Variants in ANTXR2 observed in about 807,000 individuals in gnomAD.
ANTXR2 encodes the protein ANTXR cell adhesion molecule 2, also known as anthrax toxin receptor 2.
Under a neutral mutation model 73.7 loss-of-function variants are expected in ANTXR2, and 44 were observed. The observed-to-expected ratio is 0.60, with a 90% CI of 0.47 to 0.77. ANTXR2 has a LOEUF of 0.77. Ranked by LOEUF, ANTXR2 falls within the 30% of genes least tolerant of loss-of-function variation. The pLI is 0.00. For missense variants in ANTXR2, 604 were observed against 592.5 expected (o/e 1.02, Z -0.20); for synonymous variants, 217 against 205.9 (o/e 1.05, Z -0.46).
Position 79,973,423 on chromosome 4 carries a change from AT to A in ANTXR2, c.1428+4197del, listed in dbSNP as rs11412371. On this transcript the variant is annotated intron_variant, in intron 16 of 16. Transcript: ENST00000403729. ...TGATGTGGAGTTGACATAAATTTGG[AT>A]TTTTTTTTTTTCCCTCTGTTGTCCA... Among the ~76,000 whole-genome samples, 270 of 147,232 alleles carry A rather than the reference AT, an allele frequency of 1.8e-3. 1 individual carries two copies. Among genetic ancestry groups the A allele is most frequent in the African/African-American group, 5.4e-3 (215 of 39,902 alleles).
rs534338004 is a variant in ANTXR2 at position 79,975,193 on chromosome 4, G to C, written c.1428+2428C>G. Among the ~76,000 whole-genome samples, 5 of 152,188 alleles carry C rather than the reference G, an allele frequency of 3.3e-5. No individual in the cohort carries two copies. The South Asian group carries it at 1.0e-3, about 32-fold the overall frequency. ...TACATATCTCCTACCTATATTCAAA[G>C]ACAGGGCACCTATATTTTTGAAGAA... On this transcript the variant is annotated intron_variant, in intron 16 of 16. Coordinates refer to ENST00000403729, the MANE Select transcript of ANTXR2 (RefSeq NM_058172.6).
chr4:79,914,587 C>A (rs1727275189), intron 16 of ANTXR2, among the ~76,000 whole-genome samples: 1 of 152,062 alleles, frequency 6.6e-6, no homozygotes, highest in Non-Finnish European at 1.5e-5. Flanking sequence ...CATATGCTTT[C>A]TGTGTTGCTT....
In ANTXR2 at chr4:79,907,367, T is replaced by G; in HGVS notation, c.*62A>C. ...AATGCACTTGATTTTTTTCATTTGG[T>G]TGAAAATCAGCTATGTGAAAATGTG... On this transcript the variant is annotated 3_prime_UTR_variant, in exon 17 of 17. Coordinates refer to ENST00000403729, the MANE Select transcript of ANTXR2 (RefSeq NM_058172.6). 1 of 1,542,148 alleles carries G rather than the reference T, an allele frequency of 6.5e-7. No homozygotes were observed. Among genetic ancestry groups the G allele is most frequent in the South Asian group, 1.1e-5 (1 of 87,082 alleles).
intron 13 of ANTXR2, 42 bp downstream of exon 13, chr4:79,984,777 A>C: frequency 6.8e-7 from 1 of 1,461,924 alleles, no homozygotes; most frequent in Non-Finnish European, 9.4e-7. Context: ...CTGCATTTGG[A>C]AAAAAAAAAC....
At chr4:80,052,341 G>A (rs1733809079) in intron 7 of ANTXR2, among the ~76,000 whole-genome samples, 1 of 151,524 alleles carries the variant, frequency 6.6e-6, no homozygotes, top group African/African-American at 2.4e-5. Context: ...AAAATTATAG[G>A]TTTTGTATAC....
chr4:79,948,766 A>AGGGGAGGAGGAAGGAAAGGAG (rs1728600398), intron 16 of ANTXR2, among the ~76,000 whole-genome samples: 1 of 152,080 alleles, frequency 6.6e-6, no homozygotes, highest in African/African-American at 2.4e-5. Context: ...AGGAGAAGGA[A>AGGGGAGGAGGAAGGAAAGGAG]GGGGAGGAGG....
intron 12 of ANTXR2, among the ~76,000 whole-genome samples, chr4:80,007,795 TTCA>T (rs1731378825): frequency 6.6e-6 from 1 of 152,156 alleles, no homozygotes; most frequent in African/African-American, 2.4e-5. Flanking sequence ...CCTTAGAGCA[TTCA>T]GAAAGAAACA....
In ANTXR2 at chr4:79,910,448, G is replaced by T. The variant is rs369003051; in HGVS notation, c.1429-2981C>A. Among the ~76,000 whole-genome samples, 61 of 142,228 alleles carry T rather than the reference G, an allele frequency of 4.3e-4. 1 individual carries two copies. The highest frequency in any genetic ancestry group is 1.5e-3 in the African/African-American group (56 of 38,236). The allele number at this position is 142,228 out of a possible 152,430, so 93.3% of individuals were successfully genotyped here. ...CGCTTGAACCCGGGAGGCGGAGGTTGCAGTGAACCAAGATCGCACCACTGC... is the reference window on the plus strand; with the variant it reads ...CGCTTGAACCCGGGAGGCGGAGGTTTCAGTGAACCAAGATCGCACCACTGC... On this transcript the variant is annotated intron_variant, in intron 16 of 16. Coordinates refer to ENST00000403729, the MANE Select transcript of ANTXR2 (RefSeq NM_058172.6).
At chr4:79,987,952 A>C (rs900579312) in intron 12 of ANTXR2, among the ~76,000 whole-genome samples, 7 of 152,148 alleles carry the variant, frequency 4.6e-5, no homozygotes, top group Non-Finnish European at 1.0e-4. Flanking sequence ...TATGTTTACA[A>C]GAGGTCCTAA....
At chr4:79,936,686 A>C (rs1321788516) in intron 16 of ANTXR2, among the ~76,000 whole-genome samples, 3 of 152,212 alleles carry the variant, frequency 2.0e-5, no homozygotes, top group African/African-American at 7.2e-5. Context: ...GGGAAGAAGA[A>C]AAGACTAACA....
intron 16 of ANTXR2, among the ~76,000 whole-genome samples, chr4:79,960,626 T>G (rs999864283): frequency 9.9e-5 from 15 of 152,172 alleles, no homozygotes; most frequent in African/African-American, 3.6e-4. Flanking sequence ...CATTTCTCCT[T>G]ATTTTCTGTT....
intron 16 of ANTXR2, among the ~76,000 whole-genome samples, chr4:79,973,046 T>C (rs1005362953): frequency 1.3e-5 from 2 of 148,306 alleles, no homozygotes; most frequent in African/African-American, 2.5e-5. Context: ...AGTGAAAGCA[T>C]AGTGGAAATA....
intron 10 of ANTXR2, among the ~76,000 whole-genome samples, chr4:80,021,353 T>C (rs1456591729): frequency 2.0e-5 from 3 of 152,048 alleles, no homozygotes; most frequent in African/African-American, 7.2e-5. Flanking sequence ...CTAAGCATAA[T>C]CAAATAAAAA....
At chr4:79,935,658 C>T (rs575937469) in intron 16 of ANTXR2, among the ~76,000 whole-genome samples, 2 of 152,240 alleles carry the variant, frequency 1.3e-5, no homozygotes, top group Admixed American at 1.3e-4. Flanking sequence ...CTGGCTAAGG[C>T]ATGTGGGATA....
At position 79,947,466 on chromosome 4, in the gene ANTXR2, G is replaced by GT. The variant is rs1728559215; in HGVS notation, c.1428+30154dup. Among the ~76,000 whole-genome samples the GT allele has an allele frequency of 2.0e-5, 3 of 151,982 alleles. No individual in the cohort carries two copies. In the South Asian group the frequency reaches 6.2e-4, roughly 31 times the overall value. Reference sequence around the variant, plus strand: ...ACAAACTCATAGTGTTAAAAAAAAAGTTTTTTATTTTGCCCCAGCAGAACA... The same window carrying GT: ...ACAAACTCATAGTGTTAAAAAAAAAGTTTTTTTATTTTGCCCCAGCAGAACA... On this transcript the variant is annotated intron_variant, in intron 16 of 16. Transcript: ENST00000403729.
At chr4:80,035,024 A>C (rs1033811343) in intron 8 of ANTXR2, among the ~76,000 whole-genome samples, 67 of 152,266 alleles carry the variant, frequency 4.4e-4, no homozygotes, top group Middle Eastern at 3.4e-3. Flanking sequence ...CCCCATCTGT[A>C]AACCAGGGAT....
At chr4:80,067,216 A>AAAAG (rs1490657408) in intron 3 of ANTXR2, among the ~76,000 whole-genome samples, 2 of 149,550 alleles carry the variant, frequency 1.3e-5, no homozygotes, top group East Asian at 1.9e-4. Flanking sequence ...ACAAAAAAAA[A>AAAAG]AAAGAAAGAA....
At position 80,040,736 on chromosome 4, in the gene ANTXR2, G is replaced by T. The variant is rs576445584; in HGVS notation, c.637-4704C>A. Among the ~76,000 whole-genome samples, 21 of 128,826 alleles carry T rather than the reference G, an allele frequency of 1.6e-4. No homozygotes were observed. In the South Asian group the frequency reaches 1.7e-3, roughly 10 times the overall value. 84.5% of individuals were successfully genotyped at this position (128,826 alleles called of 152,430 possible). A position where few individuals can be genotyped will look rare whatever the true frequency, so the allele number is the denominator to read the frequency against. On this transcript the variant is annotated intron_variant, in intron 7 of 16. Coordinates refer to ENST00000403729, the MANE Select transcript of ANTXR2 (RefSeq NM_058172.6). ...ATTTGATATTTTGGGGGATATATAC[G>T]CATGCATAGACACACACACACACAC...
intron 16 of ANTXR2, among the ~76,000 whole-genome samples, chr4:79,909,372 G>C (rs1256010945): frequency 6.6e-6 from 1 of 152,104 alleles, no homozygotes; most frequent in Non-Finnish European, 1.5e-5. Flanking sequence ...AGTGTGTGAT[G>C]ACTAGTAATG....
Sources: allele counts gnomAD v4.1 joint callset (sites outside exome capture counted in the v4.1 genomes callset), GRCh38; gene constraint gnomAD v4.1.1; transcripts MANE v1.5; gene names NCBI Gene and HGNC (gene_info 2026-07-23, HGNC 2026-07-21).